PPP1R1C: variants seen among roughly 807,000 people sequenced by gnomAD.
PPP1R1C encodes protein phosphatase 1 regulatory inhibitor subunit 1C, also known as protein phosphatase 1 regulatory subunit 1C.
A neutral mutation model predicts 17.4 loss-of-function variants in PPP1R1C; 15 were observed. The ratio of observed to expected loss-of-function variants is 0.86; its 90% CI spans 0.58 to 1.33. The LOEUF is 1.33. Ranked by LOEUF, PPP1R1C falls within the 40% of genes most tolerant of loss-of-function variation. PPP1R1C has a pLI of 0.00. For missense variants in PPP1R1C, 143 were observed against 130.0 expected (o/e 1.10, Z -0.48); for synonymous variants, 35 against 43.1 (o/e 0.81, Z 0.73).
rs1180608015 is a variant in PPP1R1C at position 181,968,641 on chromosome 2, C to A, written n.112-6578C>A. Reference sequence around the variant, plus strand: ...AGATAATTGGGTCTTGTTTTGTGATCCGTTCAGCCACTCTATGGCTTTTGA... The same window carrying A: ...AGATAATTGGGTCTTGTTTTGTGATACGTTCAGCCACTCTATGGCTTTTGA... On this transcript the variant is annotated intron_variant and non_coding_transcript_variant, in intron 1 of 5. Transcript: ENST00000464264. Among the ~76,000 whole-genome samples, 3 of 152,134 alleles carry A rather than the reference C, an allele frequency of 2.0e-5. No individual in the cohort carries two copies. In the East Asian group the frequency reaches 5.8e-4, roughly 29 times the overall value.
chr2:182,130,520 C>A (rs1200491867), downstream of PPP1R1C: 2 of 152,160 alleles, frequency 1.3e-5, no homozygotes, highest in African/African-American at 4.8e-5. Flanking sequence ...AGGAAGGGAA[C>A]AACAAGAACT....
chr2:182,095,160 G>A (rs1351671982), intron 4 of PPP1R1C, among the ~76,000 whole-genome samples: 5 of 152,112 alleles, frequency 3.3e-5, no homozygotes, highest in Non-Finnish European at 7.4e-5. Context: ...TCAGCTGGGT[G>A]TGGTGGCATG....
chr2:182,019,292 C>A (rs1044582725), intron 2 of PPP1R1C, among the ~76,000 whole-genome samples: 1 of 152,154 alleles, frequency 6.6e-6, no homozygotes, highest in African/African-American at 2.4e-5. Flanking sequence ...CTAATGTGGG[C>A]CCTCCAGCCC....
intron 4 of PPP1R1C, among the ~76,000 whole-genome samples, chr2:182,113,673 T>G (rs1689503361): frequency 6.6e-6 from 1 of 152,170 alleles, no homozygotes; most frequent in East Asian, 1.9e-4. Flanking sequence ...TACTCTTTTT[T>G]TTTTTTTAGA....
chr2:182,124,339 G>GTTTT (rs1378403544), intron 5 of PPP1R1C, among the ~76,000 whole-genome samples: 1 of 52,164 alleles, frequency 1.9e-5, no homozygotes, highest in African/African-American at 6.5e-5. Context: ...TTTTTTTTTT[G>GTTTT]TTTTTTTTTT....
chr2:182,129,823 T>C (rs907276196), exon 6 of PPP1R1C: 3 of 152,134 alleles, frequency 2.0e-5, no homozygotes, highest in African/African-American at 7.2e-5. Context: ...GTCTTATATA[T>C]TGACTTAGAG....
At chr2:181,992,963 G>A (rs9288077) in intron 2 of PPP1R1C, among the ~76,000 whole-genome samples, 8,957 of 152,040 alleles carry the variant, frequency 0.059, 476 homozygotes, top group African/African-American at 0.14. Flanking sequence ...TTCATTTCCA[G>A]AAACGAAAAA....
At chr2:182,118,492 A>C (rs555439789), downstream of PPP1R1C, among the ~76,000 whole-genome samples, 1 of 152,294 alleles carries the variant, frequency 6.6e-6, no homozygotes, top group South Asian at 2.1e-4. Flanking sequence ...AAAAATAAAA[A>C]GATTTCTCAA....
chr2:182,006,210 A>G (rs543769517), intron 2 of PPP1R1C, among the ~76,000 whole-genome samples: 1 of 152,268 alleles, frequency 6.6e-6, no homozygotes, highest in Admixed American at 6.5e-5. Context: ...GGTTAATTTT[A>G]TATTATTATC....
chr2:182,112,916 A>T (rs906443284), intron 4 of PPP1R1C, among the ~76,000 whole-genome samples: 2 of 152,202 alleles, frequency 1.3e-5, no homozygotes, highest in African/African-American at 4.8e-5. Flanking sequence ...TCCCTATGTG[A>T]ATTAGTTTTA....
intron 1 of PPP1R1C, 108 bp from the exon 2 acceptor site, chr2:181,987,731 T>C (rs1025311615): frequency 1.8e-6 from 2 of 1,114,684 alleles, no homozygotes; most frequent in African/African-American, 3.2e-5. Flanking sequence ...AGAAATTTGC[T>C]TTTGCATGTG....
At chr2:182,097,695 A>T (rs577996141) in intron 4 of PPP1R1C, among the ~76,000 whole-genome samples, 1 of 152,266 alleles carries the variant, frequency 6.6e-6, no homozygotes, top group South Asian at 2.1e-4. Context: ...TTGGTTGTGC[A>T]TTTCTGTATC....
intron 4 of PPP1R1C, among the ~76,000 whole-genome samples, chr2:182,074,350 T>C (rs1688232861): frequency 6.6e-6 from 1 of 152,100 alleles, no homozygotes; most frequent in South Asian, 2.1e-4. Flanking sequence ...CAAAAATTCT[T>C]CTATGATAAG....
intron 2 of PPP1R1C, among the ~76,000 whole-genome samples, chr2:182,008,322 A>C (rs2125153574): frequency 6.6e-6 from 1 of 152,282 alleles, no homozygotes; most frequent in African/African-American, 2.4e-5. Context: ...GTTTTAAAAT[A>C]ATGTTTTTAT....
chr2:182,036,529 C>T (rs544909225), intron 2 of PPP1R1C, among the ~76,000 whole-genome samples: 5 of 152,120 alleles, frequency 3.3e-5, no homozygotes, highest in Admixed American at 6.6e-5. Flanking sequence ...TCTGCATAAA[C>T]ATAATTTTTA....
chr2:182,062,207 T>C lies in PPP1R1C; in HGVS notation c.180+728T>C, dbSNP rs1308577584. ...AATACTTAAAGAGAAAAATGTAGAA[T>C]GGACAAAATATCAAATAGTATATCA... On this transcript the variant is annotated intron_variant, in intron 3 of 4. Transcript: ENST00000682840. Among the ~76,000 whole-genome samples the C allele has an allele frequency of 2.0e-5, 3 of 152,082 alleles. No individual in the cohort carries two copies. In the East Asian group the frequency reaches 5.8e-4, roughly 29 times the overall value.
At chr2:182,120,126 G>T (rs983178281), downstream of PPP1R1C, among the ~76,000 whole-genome samples, 13 of 152,166 alleles carry the variant, frequency 8.5e-5, no homozygotes, top group African/African-American at 2.6e-4. Context: ...TCTACATATG[G>T]CTAGCCAGTT....
At chr2:181,986,236 A>G (rs761992845) in intron 1 of PPP1R1C, 45 bp downstream of exon 1, 1 of 1,360,382 alleles carries the variant, frequency 7.4e-7, no homozygotes. Flanking sequence ...ATAAGGTAAT[A>G]TGAACATGCA....
chr2:182,036,709 G>A (rs570998409), intron 2 of PPP1R1C, among the ~76,000 whole-genome samples: 1 of 152,174 alleles, frequency 6.6e-6, no homozygotes, highest in Admixed American at 6.5e-5. Context: ...GTGTTTGTGT[G>A]TGTGTGTGTG....
Sources: allele counts gnomAD v4.1 joint callset (sites outside exome capture counted in the v4.1 genomes callset), GRCh38; gene constraint gnomAD v4.1.1; transcripts MANE v1.5; gene names NCBI Gene and HGNC (gene_info 2026-07-23, HGNC 2026-07-21).